Variants in FAM163A observed in about 807,000 individuals in gnomAD.
FAM163A encodes the protein protein FAM163A.
Under a neutral mutation model 12.0 loss-of-function variants are expected in FAM163A, and 7 were observed. That is an observed-to-expected ratio of 0.58 (90% CI 0.33 to 1.10). The LOEUF (loss-of-function observed/expected upper bound fraction) is 1.10. FAM163A is among the 50% of genes least tolerant of loss of function. The pLI is 0.03. For synonymous variants in FAM163A, 101 were observed against 91.0 expected (o/e 1.11, Z -0.62); for missense variants, 202 against 218.6 (o/e 0.92, Z 0.48).
rs184591337 is a variant in FAM163A at position 179,787,051 on chromosome 1, A to G, written c.-135-20747A>G. 6.0e-4 allele frequency among the ~76,000 whole-genome samples: 91 copies of G among 152,380 alleles called. 1 individual carries two copies. The East Asian group carries it at 0.017, about 28-fold the overall frequency. On this transcript the variant is annotated intron_variant, in intron 1 of 4. Coordinates refer to ENST00000341785, the MANE Select transcript of FAM163A (RefSeq NM_173509.3). ...AGATGTAGAGGATGAATTAAAGTCCATTAGCAAACCGTGACATCCTTTAAC... is the reference window on the plus strand; with the variant it reads ...AGATGTAGAGGATGAATTAAAGTCCGTTAGCAAACCGTGACATCCTTTAAC...
At chr1:179,803,505 G>T (rs1369911153) in intron 1 of FAM163A, among the ~76,000 whole-genome samples, 2 of 152,176 alleles carry the variant, frequency 1.3e-5, no homozygotes, top group African/African-American at 2.4e-5. Context: ...CATTCTATCA[G>T]GGTGGCTTTT....
At chr1:179,807,480 C>T (rs1694100147) in intron 1 of FAM163A, among the ~76,000 whole-genome samples, 5 of 152,152 alleles carry the variant, frequency 3.3e-5, no homozygotes, top group Admixed American at 2.6e-4. Context: ...GAAAGCCAGC[C>T]GAGCGCCCTG....
intron 4 of FAM163A, 107 bp from the exon 5 acceptor site, chr1:179,813,672 C>T: frequency 7.5e-7 from 1 of 1,326,632 alleles, no homozygotes; most frequent in Non-Finnish European, 1.0e-6. Context: ...GTGCCTGGCA[C>T]TAGGTTCTCC....
intron 1 of FAM163A, among the ~76,000 whole-genome samples, chr1:179,775,391 A>G (rs569835196): frequency 6.6e-6 from 1 of 152,368 alleles, no homozygotes; most frequent in South Asian, 2.1e-4. Flanking sequence ...TCTATCTGCC[A>G]CGCAGAAAAG....
Position 179,815,580 on chromosome 1 carries a change from A to G in FAM163A, c.*1391A>G, listed in dbSNP as rs1240203963. On this transcript the variant is annotated 3_prime_UTR_variant, in exon 5 of 5. Transcript: ENST00000341785. ...TGTGTCTCACACCAGCCTCATTTCC[A>G]ACTCCGACTTCCTACTTAGAATGTG... is the stretch of plus-strand genomic sequence containing the variant. The G allele has an allele frequency of 6.6e-6, 1 of 152,162 alleles. No homozygotes were observed. Among genetic ancestry groups the G allele is most frequent in the African/African-American group, 2.4e-5 (1 of 41,398 alleles). The allele number at this position is 152,162 out of a possible 1,614,324, so 9.4% of individuals were successfully genotyped here.
At chr1:179,745,323 C>T (rs1242511164) in intron 1 of FAM163A, among the ~76,000 whole-genome samples, 1 of 151,106 alleles carries the variant, frequency 6.6e-6, no homozygotes, top group African/African-American at 2.5e-5. Context: ...CCCTGTTTGG[C>T]CCAAGAATCT....
At chr1:179,811,174 C>A (rs1042784270) in intron 2 of FAM163A, among the ~76,000 whole-genome samples, 1 of 152,130 alleles carries the variant, frequency 6.6e-6, no homozygotes, top group Non-Finnish European at 1.5e-5. Flanking sequence ...TTGAAGCTGT[C>A]TCTAAAAGTT....
At position 179,788,691 on chromosome 1, in the gene FAM163A, T is replaced by C. The variant is rs1454905601; in HGVS notation, c.-135-19107T>C. 4.6e-5 allele frequency among the ~76,000 whole-genome samples: 7 copies of C among 152,166 alleles called. No homozygotes were observed. The East Asian group carries it at 1.3e-3, about 29-fold the overall frequency. Reference sequence around the variant, plus strand: ...AGGGATCTTGCAACATTGAATGATGTGATGCATGTTATATATCTGGTATGG... The same window carrying C: ...AGGGATCTTGCAACATTGAATGATGCGATGCATGTTATATATCTGGTATGG... On this transcript the variant is annotated intron_variant, in intron 1 of 4. Transcript: ENST00000341785.
chr1:179,793,739 A>G (rs1691857871), intron 1 of FAM163A, among the ~76,000 whole-genome samples: 1 of 152,210 alleles, frequency 6.6e-6, no homozygotes, highest in Admixed American at 6.5e-5. Context: ...AACAGAAGAC[A>G]AGTTCTCTTG....
At chr1:179,739,752 A>G (rs114115973), upstream of FAM163A, among the ~76,000 whole-genome samples, 236 of 152,338 alleles carry the variant, frequency 1.5e-3, 2 homozygotes, top group African/African-American at 5.4e-3. Flanking sequence ...AGATTTCACC[A>G]AAGATTGCAT....
intron 1 of FAM163A, among the ~76,000 whole-genome samples, chr1:179,760,177 T>C (rs960207122): frequency 6.6e-6 from 1 of 152,172 alleles, no homozygotes; most frequent in African/African-American, 2.4e-5. Flanking sequence ...CGGTTATGGA[T>C]GGATTTGGAA....
At chr1:179,803,461 G>C (rs569832350) in intron 1 of FAM163A, among the ~76,000 whole-genome samples, 75 of 152,330 alleles carry the variant, frequency 4.9e-4, no homozygotes, top group Middle Eastern at 3.4e-3. Context: ...GAGACCCCTG[G>C]TATCGTGGGG....
chr1:179,755,795 T>C (rs557154059), intron 1 of FAM163A, among the ~76,000 whole-genome samples: 9 of 152,066 alleles, frequency 5.9e-5, no homozygotes, highest in Non-Finnish European at 1.2e-4. Context: ...TGCCCATGGA[T>C]TCAAGGTCTC....
At chr1:179,760,818 A>G (rs1309698915) in intron 1 of FAM163A, among the ~76,000 whole-genome samples, 2 of 152,162 alleles carry the variant, frequency 1.3e-5, no homozygotes, top group East Asian at 3.9e-4. Context: ...AAGACCTCTC[A>G]AGGTTCATCT....
At chr1:179,746,844 T>C (rs1342111209) in intron 1 of FAM163A, among the ~76,000 whole-genome samples, 1 of 152,200 alleles carries the variant, frequency 6.6e-6, no homozygotes, top group East Asian at 1.9e-4. Flanking sequence ...CCATAGTATC[T>C]GGGCCATCCA....
chr1:179,786,420 A>C (rs182128828), intron 1 of FAM163A, among the ~76,000 whole-genome samples: 1 of 152,344 alleles, frequency 6.6e-6, no homozygotes, highest in Admixed American at 6.5e-5. Flanking sequence ...TCTGGGCTGC[A>C]GGCCTGAGTG....
chr1:179,773,308 G>A (rs540139613), intron 1 of FAM163A, among the ~76,000 whole-genome samples: 60 of 152,150 alleles, frequency 3.9e-4, no homozygotes, highest in African/African-American at 1.1e-3. Context: ...ACAAATCTAC[G>A]CAAGTGATAG....
rs61828372 is a variant in FAM163A at position 179,747,821 on chromosome 1, A to C, written c.-136+4398A>C. ...CAGTATGGATAGATTTGTACAAGGC[A>C]CAGTTCAGAAACAAAGCAGTCAGTG... On this transcript the variant is annotated intron_variant, in intron 1 of 4. Coordinates refer to ENST00000341785, the MANE Select transcript of FAM163A (RefSeq NM_173509.3). 6.4e-3 allele frequency among the ~76,000 whole-genome samples: 968 copies of C among 152,272 alleles called. 7 individuals are homozygous for C. Among genetic ancestry groups the C allele is most frequent in the Non-Finnish European group, 9.5e-3 (648 of 68,026 alleles).
the FAM163A span, among the ~76,000 whole-genome samples, chr1:179,733,884 G>T: frequency 0.31 from 47,207 of 151,972 alleles, 7,528 homozygotes; most frequent in South Asian, 0.42. Context: ...ATCCACTGTC[G>T]TCTTATCTTC....
Sources: gnomAD v4.1 joint callset for allele counts (sites outside exome capture counted in the v4.1 genomes callset) on GRCh38, gnomAD v4.1.1 for gene constraint, MANE v1.5 for transcripts, NCBI Gene and HGNC (gene_info 2026-07-23, HGNC 2026-07-21) for gene names.